The following LIPC variants were observed in gnomAD, a reference collection of about 807,000 sequenced individuals.
The protein encoded by LIPC is lipase C, hepatic type, also known as hepatic triacylglycerol lipase.
Under a neutral mutation model 50.7 loss-of-function variants are expected in LIPC, and 44 were observed. That is an observed-to-expected ratio of 0.87 (90% CI 0.68 to 1.11). LIPC has a LOEUF of 1.11. Ranked by LOEUF, LIPC falls within the 50% of genes most tolerant of loss-of-function variation. The pLI is 0.00. For synonymous variants in LIPC, 271 were observed against 256.4 expected, an observed-to-expected ratio of 1.06 and a Z score of -0.54; for missense variants, 697 against 648.2, an observed-to-expected ratio of 1.08 and a Z score of -0.82.
At chr15:58,492,044 C>G (rs1440043818) in intron 1 of LIPC, among the ~76,000 whole-genome samples, 4 of 152,206 alleles carry the variant, frequency 2.6e-5, no homozygotes, top group Admixed American at 1.3e-4. Context: ...CATTGTACAG[C>G]CTTCCCCAGC....
intron 1 of LIPC, among the ~76,000 whole-genome samples, chr15:58,536,592 G>A (rs558238140): frequency 5.9e-5 from 9 of 152,224 alleles, no homozygotes; most frequent in South Asian, 2.1e-4. Context: ...GTGACACCCC[G>A]GCTTCTGACT....
intron 1 of LIPC, chr15:58,456,128 G>A (rs1894105634): frequency 6.6e-6 from 1 of 152,392 alleles, no homozygotes; most frequent in Admixed American, 6.5e-5. Flanking sequence ...CACACAGCAT[G>A]AGCGCAGGAG....
chr15:58,456,370 T>C (rs1287346258), intron 1 of LIPC: 1 of 152,264 alleles, frequency 6.6e-6, no homozygotes, highest in South Asian at 2.1e-4. Flanking sequence ...GATTATGTAT[T>C]TATCCTCAAT....
At chr15:58,506,814 A>G (rs1336259575) in intron 1 of LIPC, among the ~76,000 whole-genome samples, 1 of 152,222 alleles carries the variant, frequency 6.6e-6, no homozygotes, top group African/African-American at 2.4e-5. Flanking sequence ...CACTGCTAAT[A>G]AAGACATATT....
At position 58,548,340 on chromosome 15, in the gene LIPC, G is replaced by C. The variant is rs1218597567; in HGVS notation, c.819G>C (p.Gln273His). ...TGCCCTGTGTTCCAGCCATCACCCA[G>C]ACCATAAAATGCTCCCACGAGCGAT... ...IAQHGFNAIT[Q>H]TIKCSHERSV... is the part of the protein sequence containing the mutation. Residue 273 changes from glutamine (Q) to histidine (H), a missense_variant, in exon 6 of 9, where the codon CAG (glutamine) becomes CAC (histidine). Coordinates refer to ENST00000299022, the MANE Select transcript of LIPC (RefSeq NM_000236.3). 6.2e-7 allele frequency: 1 copy of C among 1,614,096 alleles called. No individual in the cohort carries two copies. Among genetic ancestry groups the C allele is most frequent in the South Asian group, 1.1e-5 (1 of 91,060 alleles).
At chr15:58,467,564 T>C (rs368635297) in intron 1 of LIPC, among the ~76,000 whole-genome samples, 2 of 152,206 alleles carry the variant, frequency 1.3e-5, no homozygotes, top group African/African-American at 4.8e-5. Flanking sequence ...GCAGCTTTCC[T>C]GGGCTTACGT....
intron 1 of LIPC, among the ~76,000 whole-genome samples, chr15:58,465,976 C>A (rs1239865997): frequency 6.6e-6 from 1 of 152,148 alleles, no homozygotes; most frequent in African/African-American, 2.4e-5. Context: ...CTATCAAGCC[C>A]CATCTCCTGA....
At chr15:58,455,316 C>T (rs775950942) in intron 1 of LIPC, among the ~76,000 whole-genome samples, 3 of 152,172 alleles carry the variant, frequency 2.0e-5, no homozygotes, top group Non-Finnish European at 4.4e-5. Context: ...CAGCCACAGA[C>T]AATAGACACA....
chr15:58,461,139 G>A (rs2140707864), intron 1 of LIPC, among the ~76,000 whole-genome samples: 1 of 152,254 alleles, frequency 6.6e-6, no homozygotes, highest in Non-Finnish European at 1.5e-5. Flanking sequence ...CAAGACCCAG[G>A]AAACACTTCA....
At chr15:58,564,774 C>A (rs941711221) in intron 8 of LIPC, among the ~76,000 whole-genome samples, 1 of 151,926 alleles carries the variant, frequency 6.6e-6, no homozygotes, top group Non-Finnish European at 1.5e-5. Flanking sequence ...GATGCTCCAG[C>A]GCTCCTGAAG....
intron 1 of LIPC, among the ~76,000 whole-genome samples, chr15:58,453,284 C>A (rs1289587521): frequency 6.6e-6 from 1 of 152,162 alleles, no homozygotes; most frequent in African/African-American, 2.4e-5. Flanking sequence ...ATCCTCATAT[C>A]CCCAGCACCA....
At chr15:58,565,564 T>C (rs1402449665) in intron 8 of LIPC, 1 of 1,178,994 alleles carries the variant, frequency 8.5e-7, no homozygotes, top group Non-Finnish European at 1.1e-6. Context: ...GTATTGGCTG[T>C]GCAGATTAGG....
chr15:58,564,534 C>T lies in LIPC; in HGVS notation c.1388+811C>T, dbSNP rs200383150. Among the ~76,000 whole-genome samples, 18 of 151,426 alleles carry T rather than the reference C, an allele frequency of 1.2e-4. No homozygotes were observed. In the East Asian group the frequency reaches 3.5e-3, roughly 30 times the overall value. On this transcript the variant is annotated intron_variant, in intron 8 of 8. Transcript: ENST00000299022. ...CCTGAGGTCAGGAGTTCAAGACCAG[C>T]CTGGCCGACATGGTGAAATCCCGTC...
intron 1 of LIPC, among the ~76,000 whole-genome samples, chr15:58,528,877 C>T (rs1258229981): frequency 2.0e-5 from 3 of 152,192 alleles, no homozygotes; most frequent in African/African-American, 4.8e-5. Flanking sequence ...TTTACAGGTA[C>T]AATCACTGCC....
At chr15:58,565,762 G>C in intron 8 of LIPC, 1 of 989,366 alleles carries the variant, frequency 1.0e-6, no homozygotes, top group African/African-American at 1.7e-5. Context: ...CAGAGTTGCA[G>C]TGCTGGACAT....
intron 1 of LIPC, among the ~76,000 whole-genome samples, chr15:58,534,491 G>A (rs1393576203): frequency 6.6e-6 from 1 of 152,190 alleles, no homozygotes; most frequent in African/African-American, 2.4e-5. Context: ...CAATTACAGT[G>A]AAGAATCTCT....
chr15:58,441,881 T>C (rs1470983964), intron 1 of LIPC, among the ~76,000 whole-genome samples: 1 of 152,132 alleles, frequency 6.6e-6, no homozygotes, highest in Non-Finnish European at 1.5e-5. Flanking sequence ...GATTTTGGAG[T>C]GGCCTCCTCC....
At chr15:58,459,387 C>T (rs1319333532) in intron 1 of LIPC, among the ~76,000 whole-genome samples, 2 of 141,962 alleles carry the variant, frequency 1.4e-5, no homozygotes, top group African/African-American at 5.2e-5. Context: ...TTTGGAGAAT[C>T]GACTTTTTTC....
At chr15:58,501,176 G>A (rs928383088) in intron 1 of LIPC, among the ~76,000 whole-genome samples, 21 of 151,808 alleles carry the variant, frequency 1.4e-4, no homozygotes, top group East Asian at 3.9e-4. Context: ...ACAACCGCAC[G>A]CCTCACAGGG....
Sources: gnomAD v4.1 joint callset for allele counts (sites outside exome capture counted in the v4.1 genomes callset) on GRCh38, gnomAD v4.1.1 for gene constraint, MANE v1.5 for transcripts, NCBI Gene and HGNC (gene_info 2026-07-23, HGNC 2026-07-21) for gene names.